Variants in AAGAB observed in about 807,000 individuals in gnomAD.
AAGAB encodes alpha and gamma adaptin binding protein, also known as alpha- and gamma-adaptin-binding protein p34.
A neutral mutation model predicts 44.1 loss-of-function variants in AAGAB; 38 were observed. The ratio of observed to expected loss-of-function variants is 0.86; its 90% CI spans 0.67 to 1.13. The LOEUF (loss-of-function observed/expected upper bound fraction) is 1.13. AAGAB is among the 50% of genes most tolerant of loss of function. The pLI, the probability that AAGAB is intolerant of heterozygous loss-of-function variation, is 0.00. For missense variants in AAGAB, 450 were observed against 373.8 expected (o/e 1.20, Z -1.68); for synonymous variants, 131 against 131.8 (o/e 0.99, Z 0.04).
intron 1 of AAGAB, among the ~76,000 whole-genome samples, chr15:67,247,976 G>C (rs1266916866): frequency 6.6e-6 from 1 of 152,190 alleles, no homozygotes; most frequent in Non-Finnish European, 1.5e-5. Context: ...TATAGAACTG[G>C]AATTGAATCT....
chr15:67,241,682 C>T (rs1378131123), intron 1 of AAGAB, among the ~76,000 whole-genome samples: 1 of 152,086 alleles, frequency 6.6e-6, no homozygotes, highest in Non-Finnish European at 1.5e-5. Flanking sequence ...GAGAACACTC[C>T]TCAAAAGGCT....
intron 1 of AAGAB, among the ~76,000 whole-genome samples, chr15:67,249,188 C>T (rs141189186): frequency 1.2e-3 from 175 of 152,144 alleles, no homozygotes; most frequent in African/African-American, 3.8e-3. Flanking sequence ...GTGTGCACCA[C>T]CACACCCGGC....
At chr15:67,219,450 G>C (rs1964019571) in intron 5 of AAGAB, among the ~76,000 whole-genome samples, 1 of 152,120 alleles carries the variant, frequency 6.6e-6, no homozygotes, top group African/African-American at 2.4e-5. Flanking sequence ...AAGAAAACAT[G>C]GTACATGTAC....
At chr15:67,231,782 G>GA in intron 5 of AAGAB, 32 bp downstream of exon 5, 1 of 1,526,042 alleles carries the variant, frequency 6.6e-7, no homozygotes, top group Non-Finnish European at 9.1e-7. Flanking sequence ...GGAACAAGAG[G>GA]AAAAAAATGA....
At position 67,202,776 on chromosome 15, in the gene AAGAB, A is replaced by G. The variant is rs1567012437; in HGVS notation, c.*45T>C. 1 of 1,592,280 alleles carries G rather than the reference A, an allele frequency of 6.3e-7. No homozygotes were observed. Among genetic ancestry groups the G allele is most frequent in the Admixed American group, 1.7e-5 (1 of 59,992 alleles). ...ACTGGGCTGAGTAGAGAGGTATCTC[A>G]GAGACAGCTAGCATCTTTGTTGGTC... On this transcript the variant is annotated 3_prime_UTR_variant, in exon 10 of 10. Transcript: ENST00000261880.
intron 5 of AAGAB, among the ~76,000 whole-genome samples, chr15:67,217,437 T>A (rs1311713575): frequency 6.6e-6 from 1 of 152,242 alleles, no homozygotes; most frequent in Non-Finnish European, 1.5e-5. Flanking sequence ...TATTTAATCA[T>A]CATTTAGTTT....
At chr15:67,211,823 G>A (rs1276377516) in intron 5 of AAGAB, among the ~76,000 whole-genome samples, 2 of 151,996 alleles carry the variant, frequency 1.3e-5, no homozygotes, top group Non-Finnish European at 2.9e-5. Flanking sequence ...AAAGAATAAT[G>A]CAATACAATG....
chr15:67,226,074 G>A (rs1321338760), intron 5 of AAGAB, among the ~76,000 whole-genome samples: 1 of 151,960 alleles, frequency 6.6e-6, no homozygotes. Context: ...TAAGTGTGAA[G>A]TGGTATTTCA....
At chr15:67,241,645 C>T (rs955329165) in intron 1 of AAGAB, among the ~76,000 whole-genome samples, 9 of 152,072 alleles carry the variant, frequency 5.9e-5, no homozygotes, top group Non-Finnish European at 1.2e-4. Flanking sequence ...CTCTCGGTGT[C>T]TCATTTCCTT....
In AAGAB at chr15:67,208,736, C is replaced by T. The variant is rs1017462562; in HGVS notation, c.619-78G>A. ...CTAAATCCAAAAAAGCTCACACTTT[C>T]AGTCCTTGGTTGGCTTGAGAAAAGA... On this transcript the variant is annotated intron_variant, in intron 6 of 9. Coordinates refer to ENST00000261880, the MANE Select transcript of AAGAB (RefSeq NM_024666.5). 6 of 1,290,740 alleles carry T rather than the reference C, an allele frequency of 4.6e-6. No individual in the cohort carries two copies. The African/African-American group carries it at 5.8e-5, about 13-fold the overall frequency. The allele number at this position is 1,290,740 out of a possible 1,614,324, so 80.0% of individuals were successfully genotyped here. A position where few individuals can be genotyped will look rare whatever the true frequency, so the allele number is the denominator to read the frequency against.
At chr15:67,204,647 T>C (rs182835164) in intron 7 of AAGAB, among the ~76,000 whole-genome samples, 2 of 152,344 alleles carry the variant, frequency 1.3e-5, no homozygotes, top group East Asian at 3.9e-4. Context: ...AAAAAACCTG[T>C]ATCTAAAAAT....
At chr15:67,205,873 C>CT (rs1387523555) in intron 7 of AAGAB, among the ~76,000 whole-genome samples, 1 of 141,758 alleles carries the variant, frequency 7.1e-6, no homozygotes, top group Non-Finnish European at 1.6e-5. Flanking sequence ...TGCCTTAAAT[C>CT]TTTTTCTTAA....
chr15:67,226,188 A>G (rs1230884493), intron 5 of AAGAB, among the ~76,000 whole-genome samples: 2 of 151,968 alleles, frequency 1.3e-5, no homozygotes, highest in Non-Finnish European at 1.5e-5. Flanking sequence ...GCTGGAGTAC[A>G]GTGGCACAAT....
intron 1 of AAGAB, among the ~76,000 whole-genome samples, chr15:67,248,109 T>G (rs371259442): frequency 6.6e-6 from 1 of 152,262 alleles, no homozygotes; most frequent in South Asian, 2.1e-4. Flanking sequence ...CCTTTGGGTC[T>G]GGAGAAAGTA....
intron 5 of AAGAB, among the ~76,000 whole-genome samples, chr15:67,225,813 G>A (rs1399879739): frequency 1.3e-5 from 2 of 152,092 alleles, no homozygotes; most frequent in African/African-American, 4.8e-5. Context: ...TGGCATTTAT[G>A]AATAATACTG....
At chr15:67,247,246 A>G (rs1964749288) in intron 1 of AAGAB, among the ~76,000 whole-genome samples, 1 of 152,226 alleles carries the variant, frequency 6.6e-6, no homozygotes, top group South Asian at 2.1e-4. Flanking sequence ...TCTTGAAGTC[A>G]ATGAGACCAA....
intron 4 of AAGAB, 112 bp from the exon 5 acceptor site, chr15:67,232,009 T>C (rs1356615869): frequency 1.1e-5 from 9 of 812,376 alleles, no homozygotes; most frequent in Non-Finnish European, 1.8e-5. Flanking sequence ...ATCCCAGCAC[T>C]TTGGGAGGCC....
chr15:67,255,112 G>T (rs1271450616), upstream of AAGAB: 6 of 678,468 alleles, frequency 8.8e-6, no homozygotes, highest in Non-Finnish European at 1.3e-5. Context: ...TTCCCCCACG[G>T]CCCAGCACAC....
intron 5 of AAGAB, among the ~76,000 whole-genome samples, chr15:67,214,487 G>A (rs559173154): frequency 1.6e-4 from 25 of 152,302 alleles, no homozygotes; most frequent in African/African-American, 5.8e-4. Flanking sequence ...GTGGGAAAGA[G>A]GGGTGTCCTG....
Sources: allele counts gnomAD v4.1 joint callset (sites outside exome capture counted in the v4.1 genomes callset), GRCh38; gene constraint gnomAD v4.1.1; transcripts MANE v1.5; gene names NCBI Gene and HGNC (gene_info 2026-07-23, HGNC 2026-07-21).